The following SPTSSA variants were observed in gnomAD, a reference collection of about 807,000 sequenced individuals.
The protein encoded by SPTSSA is serine palmitoyltransferase small subunit A.
In SPTSSA, 8 loss-of-function variants were observed where a neutral mutation model predicts 9.1. That is an observed-to-expected ratio of 0.88 (90% CI 0.51 to 1.58). SPTSSA has a LOEUF of 1.58. SPTSSA is among the 40% of genes most tolerant of loss of function. SPTSSA has a pLI of 0.00. For missense variants in SPTSSA, 100 were observed against 93.8 expected, an observed-to-expected ratio of 1.07 and a Z score of -0.27; for synonymous variants, 42 against 37.7, an observed-to-expected ratio of 1.11 and a Z score of -0.41.
Position 34,444,563 on chromosome 14 carries a change from C to A in SPTSSA, c.113-9259G>T, listed in dbSNP as rs1293655596. Among the ~76,000 whole-genome samples, 5 of 152,166 alleles carry A rather than the reference C, an allele frequency of 3.3e-5. No individual in the cohort carries two copies. In the East Asian group the frequency reaches 7.8e-4, roughly 24 times the overall value. On this transcript the variant is annotated intron_variant, in intron 1 of 1. Coordinates refer to ENST00000298130, the MANE Select transcript of SPTSSA (RefSeq NM_138288.4). ...GGTCAACAGTTCAAGACCATCCTGGCCAACATAGTGAAACCCTGTCTCTAC... is the reference window on the plus strand; with the variant it reads ...GGTCAACAGTTCAAGACCATCCTGGACAACATAGTGAAACCCTGTCTCTAC...
intron 1 of SPTSSA, among the ~76,000 whole-genome samples, chr14:34,449,503 CTTTTT>C (rs35238717): frequency 1.6e-5 from 2 of 123,732 alleles, no homozygotes; most frequent in Non-Finnish European, 3.4e-5. Flanking sequence ...CCCGGCCTCC[CTTTTT>C]TTTTTTTTTT....
intron 1 of SPTSSA, among the ~76,000 whole-genome samples, chr14:34,452,591 G>A (rs549807231): frequency 3.0e-4 from 46 of 152,330 alleles, no homozygotes; most frequent in Middle Eastern, 3.4e-3. Flanking sequence ...GCTGAAATGA[G>A]TAATGATCAC....
chr14:34,443,176 G>T (rs1283160084), intron 1 of SPTSSA, among the ~76,000 whole-genome samples: 1 of 42,930 alleles, frequency 2.3e-5, no homozygotes, highest in Non-Finnish European at 3.9e-5. Context: ...TGTGTGTTTT[G>T]AGATTGAGTT....
intron 1 of SPTSSA, among the ~76,000 whole-genome samples, chr14:34,449,378 G>A (rs1271190922): frequency 6.6e-6 from 1 of 151,796 alleles, no homozygotes; most frequent in Middle Eastern, 3.2e-3. Context: ...CTGGATGACT[G>A]AGTGATACCC....
chr14:34,462,215 C>A lies in SPTSSA; in HGVS notation c.-8G>T. ...CAGCGCCATCCCCGCCATGCGCCTC[C>A]CGCGATGCAGCTCACACGTCAGTCT... On this transcript the variant is annotated 5_prime_UTR_variant, in exon 1 of 2. Transcript: ENST00000298130. 2.0e-6 allele frequency: 3 copies of A among 1,521,878 alleles called. No individual in the cohort carries two copies. The South Asian group carries it at 3.5e-5, about 18-fold the overall frequency. The allele number at this position is 1,521,878 out of a possible 1,614,324, so 94.3% of individuals were successfully genotyped here.
chr14:34,438,095 G>A (rs893200059), intron 1 of SPTSSA, among the ~76,000 whole-genome samples: 4 of 152,020 alleles, frequency 2.6e-5, no homozygotes, highest in Non-Finnish European at 4.4e-5. Flanking sequence ...GAGCCACCAC[G>A]CCGAGCTGGC....
At chr14:34,449,594 C>A (rs1021364818) in intron 1 of SPTSSA, among the ~76,000 whole-genome samples, 3 of 151,390 alleles carry the variant, frequency 2.0e-5, no homozygotes, top group Non-Finnish European at 4.4e-5. Context: ...CCTCCACCTC[C>A]CAGGTTCAAG....
intron 1 of SPTSSA, among the ~76,000 whole-genome samples, chr14:34,442,804 T>C (rs1213193778): frequency 1.3e-5 from 2 of 152,194 alleles, no homozygotes. Context: ...CAAAATGTCA[T>C]GGAGACTGCT....
chr14:34,454,176 C>A (rs1883572913), intron 1 of SPTSSA, among the ~76,000 whole-genome samples: 1 of 151,592 alleles, frequency 6.6e-6, no homozygotes, highest in African/African-American at 2.4e-5. Flanking sequence ...CAGAGCAAGA[C>A]CCTGTTTTAG....
chr14:34,457,749 A>T (rs556760523), intron 1 of SPTSSA, among the ~76,000 whole-genome samples: 1 of 152,144 alleles, frequency 6.6e-6, no homozygotes, highest in Admixed American at 6.6e-5. Flanking sequence ...AAGTGGGGGG[A>T]TCACTTGAGG....
chr14:34,443,751 G>A (rs1192018008), intron 1 of SPTSSA, among the ~76,000 whole-genome samples: 1 of 152,096 alleles, frequency 6.6e-6, no homozygotes, highest in Non-Finnish European at 1.5e-5. Flanking sequence ...GGTCAGGCTA[G>A]TCTCCAACTC....
At chr14:34,441,518 T>C (rs1199628354) in intron 1 of SPTSSA, among the ~76,000 whole-genome samples, 2 of 152,220 alleles carry the variant, frequency 1.3e-5, no homozygotes, top group Non-Finnish European at 2.9e-5. Context: ...TTTGACCAAT[T>C]CTTTGTTCAT....
intron 1 of SPTSSA, among the ~76,000 whole-genome samples, chr14:34,441,687 C>T (rs1031257169): frequency 2.0e-5 from 3 of 151,740 alleles, no homozygotes; most frequent in Non-Finnish European, 4.4e-5. Flanking sequence ...CTCTCTTTTC[C>T]TTTCCCACCC....
intron 1 of SPTSSA, among the ~76,000 whole-genome samples, chr14:34,454,316 A>T (rs1338155649): frequency 6.6e-6 from 1 of 152,246 alleles, no homozygotes; most frequent in Admixed American, 6.5e-5. Flanking sequence ...AAATCACTAG[A>T]ATCACATGCT....
chr14:34,437,773 A>C (rs545497611), intron 1 of SPTSSA, among the ~76,000 whole-genome samples: 5 of 152,010 alleles, frequency 3.3e-5, no homozygotes, highest in Non-Finnish European at 7.4e-5. Flanking sequence ...CCACCCTACC[A>C]CTGGATTTTT....
rs979129043 is a variant in SPTSSA, at chr14:34,432,878, T to A, written c.*2323A>T. 7 of 151,938 alleles carry A rather than the reference T, an allele frequency of 4.6e-5. No homozygotes were observed. The highest frequency in any genetic ancestry group is 1.7e-4 in the African/African-American group (7 of 41,380). The allele number at this position is 151,938 out of a possible 1,614,324, so 9.4% of individuals were successfully genotyped here. ...TAATGCTACTGCACACTTAATAGAC[T>A]ACAGGATGGTGTAAATGTAACTTTT... is the stretch of plus-strand genomic sequence containing the variant. On this transcript the variant is annotated 3_prime_UTR_variant, in exon 2 of 2. Transcript: ENST00000298130.
intron 1 of SPTSSA, among the ~76,000 whole-genome samples, chr14:34,451,272 G>T (rs1317038118): frequency 6.6e-6 from 1 of 151,808 alleles, no homozygotes; most frequent in Non-Finnish European, 1.5e-5. Context: ...TGTTCCAGTG[G>T]GTATGACTTA....
At chr14:34,452,173 G>C (rs1340988525) in intron 1 of SPTSSA, among the ~76,000 whole-genome samples, 1 of 150,860 alleles carries the variant, frequency 6.6e-6, no homozygotes, top group African/African-American at 2.4e-5. Context: ...TTGAACCCGG[G>C]AGGCGGAGGT....
intron 1 of SPTSSA, among the ~76,000 whole-genome samples, chr14:34,448,889 AC>A (rs1404037227): frequency 6.6e-6 from 1 of 151,954 alleles, no homozygotes; most frequent in Non-Finnish European, 1.5e-5. Flanking sequence ...AGTCCCAGCT[AC>A]TCTGGAGACA....
Sources: allele counts gnomAD v4.1 joint callset (sites outside exome capture counted in the v4.1 genomes callset), GRCh38; gene constraint gnomAD v4.1.1; transcripts MANE v1.5; gene names NCBI Gene and HGNC (gene_info 2026-07-23, HGNC 2026-07-21).